DCC: variants seen among roughly 807,000 people sequenced by gnomAD.
The protein encoded by DCC is DCC netrin 1 receptor.
DCC carries 58 observed loss-of-function variants against 172.5 expected under a neutral mutation model. The ratio of observed to expected loss-of-function variants is 0.34; its 90% confidence interval spans 0.27 to 0.42. DCC has a LOEUF of 0.42. Ranked by LOEUF, DCC falls within the 10% of genes least tolerant of loss-of-function variation. The pLI, the probability that DCC is intolerant of heterozygous loss-of-function variation, is 1.00. For missense variants in DCC, 1,740 were observed against 1,791.0 expected (o/e 0.97, Z 0.51); for synonymous variants, 709 against 644.5 (o/e 1.10, Z -1.52).
At chr18:53,501,626 G>A (rs905277) in intron 27 of DCC, among the ~76,000 whole-genome samples, 7,730 of 152,180 alleles carry the variant, frequency 0.051, 665 homozygotes, top group African/African-American at 0.17. Context: ...AGTAAAGTGC[G>A]GTTGCAGCAG....
At chr18:52,458,123 T>G (rs2144531194) in intron 1 of DCC, among the ~76,000 whole-genome samples, 1 of 152,242 alleles carries the variant, frequency 6.6e-6, no homozygotes, top group South Asian at 2.1e-4. Flanking sequence ...GTGGTCCAAA[T>G]TTTGACCAAA....
intron 2 of DCC, among the ~76,000 whole-genome samples, chr18:52,799,585 C>A (rs1406631940): frequency 1.3e-5 from 2 of 152,136 alleles, no homozygotes; most frequent in Admixed American, 1.3e-4. Context: ...AGCAATTGTA[C>A]CCAAATACCT....
intron 24 of DCC, among the ~76,000 whole-genome samples, chr18:53,466,238 C>T (rs752281626): frequency 4.6e-5 from 7 of 152,142 alleles, no homozygotes; most frequent in African/African-American, 7.2e-5. Context: ...TTAAAACCCA[C>T]ACACTTTTAA....
At chr18:53,473,527 TAAGAGGCTTAGA>T (rs1368382701) in intron 25 of DCC, among the ~76,000 whole-genome samples, 1 of 152,160 alleles carries the variant, frequency 6.6e-6, no homozygotes, top group African/African-American at 2.4e-5. Flanking sequence ...GAAAAGGAAA[TAAGAGGCTTAGA>T]AAGAGAAAGA....
intron 2 of DCC, among the ~76,000 whole-genome samples, chr18:52,752,734 A>T (rs1646094784): frequency 6.6e-6 from 1 of 152,114 alleles, no homozygotes; most frequent in Admixed American, 6.5e-5. Context: ...TTTGACAAAC[A>T]TCTTTCCATT....
chr18:53,351,301 A>ATACACTG (rs1362149891), intron 15 of DCC, among the ~76,000 whole-genome samples: 1 of 29,546 alleles, frequency 3.4e-5, no homozygotes, highest in Non-Finnish European at 1.1e-4. Context: ...GTATATATAT[A>ATACACTG]TATATATATA....
chr18:53,245,719 A>T (rs1402336497), intron 12 of DCC, among the ~76,000 whole-genome samples: 2 of 152,146 alleles, frequency 1.3e-5, no homozygotes, highest in Non-Finnish European at 2.9e-5. Context: ...AAGATTTAAC[A>T]GTAATCCTTG....
intron 7 of DCC, among the ~76,000 whole-genome samples, chr18:53,069,837 G>T (rs1278631848): frequency 6.6e-6 from 1 of 152,036 alleles, no homozygotes; most frequent in Non-Finnish European, 1.5e-5. Flanking sequence ...ATCTACACTT[G>T]CTTTGAGAGA....
At chr18:52,404,806 T>TC (rs1244280207) in intron 1 of DCC, among the ~76,000 whole-genome samples, 5 of 95,314 alleles carry the variant, frequency 5.2e-5, no homozygotes, top group Admixed American at 1.4e-4. Context: ...ATGCTATCCC[T>TC]CCCCCCTCCC....
chr18:52,608,032 T>C (rs2144830827), intron 1 of DCC, among the ~76,000 whole-genome samples: 1 of 152,254 alleles, frequency 6.6e-6, no homozygotes, highest in Middle Eastern at 3.4e-3. Context: ...AAGGATTTTT[T>C]TTTCCTATAT....
Position 53,530,556 on chromosome 18 carries a change from CT to C in DCC, c.4255-5del. ...GTTACTAACTCTTGGCTCTCATTCT[CT>C]TTATAGGTGTATGAACAGGATGATC... On this transcript the variant is annotated splice_region_variant and splice_polypyrimidine_tract_variant and intron_variant, in intron 28 of 28. Transcript: ENST00000442544. The C allele has an allele frequency of 6.8e-7, 1 of 1,473,130 alleles. No individual in the cohort carries two copies. Among genetic ancestry groups the C allele is most frequent in the Non-Finnish European group, 9.5e-7 (1 of 1,051,458 alleles). The allele number at this position is 1,473,130 out of a possible 1,614,324, so 91.3% of individuals were successfully genotyped here. A position where few individuals can be genotyped will look rare whatever the true frequency, so the allele number is the denominator to read the frequency against.
At chr18:53,166,064 G>T in intron 8 of DCC, among the ~76,000 whole-genome samples, 1 of 152,274 alleles carries the variant, frequency 6.6e-6, no homozygotes, top group Admixed American at 6.5e-5. Flanking sequence ...TGGTCTAAGG[G>T]TATGTCAGTG....
chr18:53,372,311 C>A (rs1440385961), intron 15 of DCC, among the ~76,000 whole-genome samples: 1 of 151,910 alleles, frequency 6.6e-6, no homozygotes, highest in East Asian at 1.9e-4. Flanking sequence ...ATGGCCTTTG[C>A]AGCATGGATG....
chr18:53,320,224 C>G (rs1050178565), intron 13 of DCC, among the ~76,000 whole-genome samples: 3 of 151,878 alleles, frequency 2.0e-5, no homozygotes, highest in African/African-American at 7.3e-5. Context: ...AGGCGCCCAC[C>G]ACCACTCCCA....
At chr18:52,441,770 G>A (rs1987976155) in intron 1 of DCC, among the ~76,000 whole-genome samples, 1 of 152,094 alleles carries the variant, frequency 6.6e-6, no homozygotes, top group Non-Finnish European at 1.5e-5. Context: ...GTTCAAGATG[G>A]GTCAGGTCCC....
chr18:52,627,162 T>C (rs539709368), intron 1 of DCC, among the ~76,000 whole-genome samples: 7 of 152,360 alleles, frequency 4.6e-5, no homozygotes, highest in African/African-American at 1.7e-4. Flanking sequence ...CCAGTTATTC[T>C]TTATTGCACA....
At chr18:53,485,012 G>A (rs2045884790) in intron 25 of DCC, among the ~76,000 whole-genome samples, 1 of 152,038 alleles carries the variant, frequency 6.6e-6, no homozygotes, top group East Asian at 1.9e-4. Flanking sequence ...ATGGGGAGAT[G>A]TAGGCCAAAG....
intron 12 of DCC, among the ~76,000 whole-genome samples, chr18:53,274,024 A>C (rs2056777796): frequency 6.6e-6 from 1 of 152,160 alleles, no homozygotes; most frequent in African/African-American, 2.4e-5. Context: ...GACAAGCAGC[A>C]AGATACATTT....
At chr18:52,770,014 T>A (rs769557755) in intron 2 of DCC, among the ~76,000 whole-genome samples, 1 of 152,224 alleles carries the variant, frequency 6.6e-6, no homozygotes, top group South Asian at 2.1e-4. Context: ...TAGTTGACAA[T>A]ATATTTCATA....
Sources: gnomAD v4.1 joint callset for allele counts (sites outside exome capture counted in the v4.1 genomes callset) on GRCh38, gnomAD v4.1.1 for gene constraint, MANE v1.5 for transcripts, NCBI Gene and HGNC (gene_info 2026-07-23, HGNC 2026-07-21) for gene names.